Variants in PCP4 observed in about 807,000 individuals in gnomAD.
PCP4 encodes Purkinje cell protein 4, also known as calmodulin regulator protein PCP4.
A neutral mutation model predicts 10.0 loss-of-function variants in PCP4; 8 were observed. The ratio of observed to expected loss-of-function variants is 0.80; its 90% CI spans 0.47 to 1.45. The LOEUF is 1.45. Among genes scored for constraint, PCP4 ranks in the 40% most tolerant of loss-of-function variants. The probability of loss-of-function intolerance (pLI) is 0.00; values close to 1 mark genes in which losing one functional copy is unlikely to be tolerated. For missense variants in PCP4, 54 were observed against 74.4 expected (o/e 0.73, Z 1.01); for synonymous variants, 21 against 23.0 (o/e 0.91, Z 0.24).
At chr21:39,880,198 C>CTATA (rs1218974505) in intron 1 of PCP4, among the ~76,000 whole-genome samples, 184 of 142,334 alleles carry the variant, frequency 1.3e-3, no homozygotes, top group African/African-American at 5.4e-3. Flanking sequence ...CTATCTATAT[C>CTATA]TATTCCCTGT....
chr21:39,874,478 T>G (rs2087335079), intron 1 of PCP4, among the ~76,000 whole-genome samples: 1 of 152,170 alleles, frequency 6.6e-6, no homozygotes, highest in Non-Finnish European at 1.5e-5. Flanking sequence ...ACATCTGTGC[T>G]TTGGTCAATA....
intron 2 of PCP4, among the ~76,000 whole-genome samples, chr21:39,905,018 A>G (rs768554458): frequency 2.6e-5 from 4 of 152,202 alleles, no homozygotes; most frequent in Non-Finnish European, 5.9e-5. Flanking sequence ...TTAATGTCTA[A>G]GGTGTGCAAC....
At chr21:39,922,672 A>C (rs527652489) in intron 2 of PCP4, among the ~76,000 whole-genome samples, 5 of 152,298 alleles carry the variant, frequency 3.3e-5, no homozygotes, top group African/African-American at 9.6e-5. Context: ...TTCTGCTCAG[A>C]GGGAAAAGCC....
At chr21:39,924,977 C>T (rs915681785) in intron 2 of PCP4, among the ~76,000 whole-genome samples, 8 of 152,208 alleles carry the variant, frequency 5.3e-5, no homozygotes, top group Non-Finnish European at 1.2e-4. Flanking sequence ...GGCCCAGGGG[C>T]ATGAGGGTAC....
At chr21:39,928,833 A>G in intron 2 of PCP4, 151 bp from the exon 3 acceptor site, 1 of 650,094 alleles carries the variant, frequency 1.5e-6, no homozygotes, top group Non-Finnish European at 2.6e-6. Flanking sequence ...ACTGGATTTT[A>G]CTTTGCAGAT....
At chr21:39,921,395 C>T (rs1393495081) in intron 2 of PCP4, among the ~76,000 whole-genome samples, 2 of 152,304 alleles carry the variant, frequency 1.3e-5, no homozygotes, top group South Asian at 2.1e-4. Flanking sequence ...CCTTCTAGAA[C>T]GGGGATGATG....
intron 1 of PCP4, among the ~76,000 whole-genome samples, chr21:39,891,433 T>C (rs1461420232): frequency 1.3e-5 from 2 of 152,216 alleles, no homozygotes; most frequent in Non-Finnish European, 2.9e-5. Context: ...GCATGGGGAA[T>C]TGGTGCTCTG....
At chr21:39,899,779 T>C (rs1266187963) in intron 2 of PCP4, among the ~76,000 whole-genome samples, 5 of 151,968 alleles carry the variant, frequency 3.3e-5, no homozygotes, top group Non-Finnish European at 7.4e-5. Context: ...TGTGGGGTAC[T>C]GGCAAGGAAG....
At chr21:39,873,647 A>G (rs1034799025) in intron 1 of PCP4, among the ~76,000 whole-genome samples, 7 of 152,150 alleles carry the variant, frequency 4.6e-5, no homozygotes, top group African/African-American at 9.7e-5. Flanking sequence ...TTTTCAAATG[A>G]GGTGCAATGT....
intron 2 of PCP4, among the ~76,000 whole-genome samples, chr21:39,920,960 C>A (rs1038224676): frequency 6.6e-6 from 1 of 152,198 alleles, no homozygotes; most frequent in Admixed American, 6.5e-5. Flanking sequence ...CACTCTCCAG[C>A]GGCCTGCTTT....
At chr21:39,884,067 T>C (rs1007196380) in intron 1 of PCP4, among the ~76,000 whole-genome samples, 4 of 152,186 alleles carry the variant, frequency 2.6e-5, no homozygotes, top group African/African-American at 9.7e-5. Context: ...ACCTGGGTAG[T>C]TGGATTCCAG....
chr21:39,870,880 A>G (rs943012817), intron 1 of PCP4, among the ~76,000 whole-genome samples: 5 of 152,202 alleles, frequency 3.3e-5, no homozygotes, highest in African/African-American at 1.2e-4. Context: ...GGAAAGTGCA[A>G]CTCAGTACAA....
chr21:39,888,855 T>A (rs547982451), intron 1 of PCP4, among the ~76,000 whole-genome samples: 2 of 152,348 alleles, frequency 1.3e-5, no homozygotes, highest in African/African-American at 4.8e-5. Context: ...TGTCTGACCC[T>A]GTACCCGTGA....
intron 2 of PCP4, among the ~76,000 whole-genome samples, chr21:39,903,876 C>CA (rs67572508): frequency 0.043 from 4,095 of 95,462 alleles, 58 homozygotes; most frequent in South Asian, 0.053. Flanking sequence ...TCAAAAAAAA[C>CA]AAAAAAAAAA....
intron 1 of PCP4, among the ~76,000 whole-genome samples, chr21:39,880,313 C>G (rs896387912): frequency 2.6e-5 from 4 of 151,974 alleles, no homozygotes; most frequent in African/African-American, 9.7e-5. Flanking sequence ...TTGGAGGAAG[C>G]CTCCCTAGCA....
At chr21:39,928,702 A>C (rs1175354229) in intron 2 of PCP4, among the ~76,000 whole-genome samples, 1 of 152,206 alleles carries the variant, frequency 6.6e-6, no homozygotes, top group Non-Finnish European at 1.5e-5. Context: ...AAAACCATAT[A>C]TCAAGATGGT....
chr21:39,906,114 G>T lies in PCP4; in HGVS notation c.61+7587G>T, dbSNP rs935941923. On this transcript the variant is annotated intron_variant, in intron 2 of 2. Transcript: ENST00000328619. The surrounding 1 kb of genome is among the most constrained non-coding windows in gnomAD (Gnocchi z 6.3). Reference sequence around the variant, plus strand: ...TGGCCTTGCAGGTGGGTTGGGAGAGGATCTCAGGCAAAGTTGCTGGTGAAC... The same window carrying T: ...TGGCCTTGCAGGTGGGTTGGGAGAGTATCTCAGGCAAAGTTGCTGGTGAAC... Among the ~76,000 whole-genome samples, 9 of 152,312 alleles carry T rather than the reference G, an allele frequency of 5.9e-5. 1 individual carries two copies. The highest frequency in any genetic ancestry group is 2.6e-4 in the Admixed American group (4 of 15,304).
intron 2 of PCP4, among the ~76,000 whole-genome samples, chr21:39,916,527 T>C (rs7277775): frequency 6.6e-6 from 1 of 152,028 alleles, no homozygotes; most frequent in Non-Finnish European, 1.5e-5. Flanking sequence ...GCTCAACCAT[T>C]ATTCAACCAT....
At chr21:39,897,773 G>T (rs144476201) in intron 1 of PCP4, among the ~76,000 whole-genome samples, 149 of 152,116 alleles carry the variant, frequency 9.8e-4, no homozygotes, top group African/African-American at 3.5e-3. Context: ...TGGGCCGGGC[G>T]CGGTGGCTCA....
Sources: allele counts gnomAD v4.1 joint callset (sites outside exome capture counted in the v4.1 genomes callset), GRCh38; gene constraint gnomAD v4.1.1; non-coding constraint Gnocchi (gnomAD v3.1); transcripts MANE v1.5; gene names NCBI Gene and HGNC (gene_info 2026-07-23, HGNC 2026-07-21).